MYH3: variants seen among roughly 807,000 people sequenced by gnomAD.
MYH3 encodes the protein myosin heavy chain 3, also known as myosin-3.
MYH3 carries 130 observed loss-of-function variants against 238.0 expected under a neutral mutation model. The observed-to-expected ratio is 0.55, with a 90% confidence interval of 0.47 to 0.63. The LOEUF is 0.63. MYH3 is among the 30% of genes least tolerant of loss of function. The pLI, the probability that MYH3 is intolerant of heterozygous loss-of-function variation, is 0.00. For missense variants in MYH3, 1,853 were observed against 2,374.9 expected, an observed-to-expected ratio of 0.78 and a Z score of 4.57; for synonymous variants, 880 against 924.1, an observed-to-expected ratio of 0.95 and a Z score of 0.86.
intron 14 of MYH3, 121 bp downstream of exon 14, chr17:10,644,229 CT>C: frequency 9.7e-7 from 1 of 1,031,232 alleles, no homozygotes; most frequent in Non-Finnish European, 1.5e-6. Flanking sequence ...TCCATCCACT[CT>C]CCATCTAGTT....
chr17:10,633,748 C>T (rs377123796), intron 32 of MYH3, 33 bp from the exon 33 acceptor site: 221 of 1,612,824 alleles, frequency 1.4e-4, no homozygotes, highest in Middle Eastern at 3.3e-4. Context: ...TGCATATGAG[C>T]GCCTCTGCGT....
At chr17:10,658,392 G>A (rs948901566), upstream of MYH3, 1 of 152,336 alleles carries the variant, frequency 6.6e-6, no homozygotes, top group Admixed American at 6.5e-5. Context: ...CCCCGAAGTG[G>A]AGGCCACTCC....
chr17:10,646,792 A>C (rs1434045789), intron 10 of MYH3, among the ~76,000 whole-genome samples: 4 of 152,152 alleles, frequency 2.6e-5, no homozygotes, highest in African/African-American at 9.7e-5. Context: ...TCACACCTAT[A>C]ATCCCAGCAC....
intron 36 of MYH3, among the ~76,000 whole-genome samples, chr17:10,630,746 G>A (rs1260954087): frequency 6.6e-6 from 1 of 152,154 alleles, no homozygotes; most frequent in African/African-American, 2.4e-5. Flanking sequence ...AGCTACTCCG[G>A]AGGCTGAGGC....
intron 26 of MYH3, 83 bp downstream of exon 26, chr17:10,638,790 T>C: frequency 7.1e-7 from 1 of 1,415,114 alleles, no homozygotes; most frequent in Non-Finnish European, 9.9e-7. Context: ...CTTGCCCACT[T>C]TCTCTAAATG....
chr17:10,663,149 A>C, the MYH3 span, among the ~76,000 whole-genome samples: 1 of 152,172 alleles, frequency 6.6e-6, no homozygotes, highest in Admixed American at 6.5e-5. Flanking sequence ...ATCTTATTGG[A>C]CATTTTACGT....
chr17:10,656,537 CAAAAAAAAA>C (rs71139057), intron 1 of MYH3, among the ~76,000 whole-genome samples: 2 of 55,898 alleles, frequency 3.6e-5, no homozygotes, highest in African/African-American at 9.9e-5. Flanking sequence ...AATTCTGTCT[CAAAAAAAAA>C]AAAAAAAAAA....
the MYH3 span, chr17:10,674,803 C>T: frequency 3.3e-5 from 5 of 152,330 alleles, no homozygotes; most frequent in African/African-American, 4.8e-5. Context: ...CTTACCTTTG[C>T]ATCATCCTTG....
chr17:10,658,002 G>A (rs1013565108), upstream of MYH3, among the ~76,000 whole-genome samples: 9 of 152,038 alleles, frequency 5.9e-5, no homozygotes, highest in East Asian at 1.9e-4. Flanking sequence ...AGTTAGTGAC[G>A]TGGATCTATG....
intron 10 of MYH3, among the ~76,000 whole-genome samples, chr17:10,646,348 G>C (rs964933416): frequency 6.6e-6 from 1 of 152,140 alleles, no homozygotes; most frequent in Non-Finnish European, 1.5e-5. Context: ...CTGAGTGCGG[G>C]TCAGGACGAG....
At chr17:10,653,409 G>A (rs980976899) in intron 3 of MYH3, among the ~76,000 whole-genome samples, 1 of 152,040 alleles carries the variant, frequency 6.6e-6, no homozygotes, top group African/African-American at 2.4e-5. Flanking sequence ...TCCAGCCCCC[G>A]GCCCACCTCT....
At position 10,639,185 on chromosome 17, in the gene MYH3, T is replaced by C; in HGVS notation, c.3107A>G (p.Glu1036Gly). The change falls in exon 25 of 41, where the codon GAA (glutamate) becomes GGA (glycine). Residue 1036 changes from glutamate (E) to glycine (G), a missense_variant. Glu to Gly is a moderately conservative substitution (Grantham distance 98). Coordinates refer to ENST00000583535, the MANE Select transcript of MYH3 (RefSeq NM_002470.4). ...SKLEQQVEDL[E>G]SSLEQEKKLR... ...CTTCTTTTCTTGTTCTAGGGAGCTT[T>C]CCAGCTGAAAAAGGCACCATTTCCT... 6.2e-7 allele frequency: 1 copy of C among 1,614,144 alleles called. No individual in the cohort carries two copies. The highest frequency in any genetic ancestry group is 8.5e-7 in the Non-Finnish European group (1 of 1,179,984).
Position 10,635,582 on chromosome 17 carries a change from G to A in MYH3, c.3976-19C>T. On this transcript the variant is annotated intron_variant, in intron 29 of 40. Transcript: ENST00000583535. ...TCTTGGCCTGCAGAAGTTAAAAAGA[G>A]AAGAGCACCTGATATATTTAGTGCC... The A allele has an allele frequency of 6.2e-7, 1 of 1,614,268 alleles. No individual in the cohort carries two copies. The highest frequency in any genetic ancestry group is 8.5e-7 in the Non-Finnish European group (1 of 1,180,052).
chr17:10,638,771 C>A, intron 26 of MYH3, 102 bp downstream of exon 26: 8 of 1,189,972 alleles, frequency 6.7e-6, no homozygotes, highest in Non-Finnish European at 8.6e-6. Flanking sequence ...AGGCAGGTGG[C>A]CCCACAGTCT....
At chr17:10,670,161 C>T in the MYH3 span, among the ~76,000 whole-genome samples, 1 of 152,146 alleles carries the variant, frequency 6.6e-6, no homozygotes, top group Non-Finnish European at 1.5e-5. This position sits in a 1 kb window ranked among gnomAD's most constrained non-coding sequence, Gnocchi z 7.0. Context: ...TCCGAAATGC[C>T]TCTCTCCAAC....
At chr17:10,644,561 T>C in intron 13 of MYH3, 23 bp downstream of exon 13, 2 of 1,613,334 alleles carry the variant, frequency 1.2e-6, no homozygotes, top group Non-Finnish European at 1.7e-6. Flanking sequence ...TCCTGCACCC[T>C]TTCCCGGCCT....
Position 10,641,102 on chromosome 17 carries a change from A to G in MYH3, c.2148T>C (p.Tyr716=), listed in dbSNP as rs147213801. ...CRKGFPNRIL[Y]GDFKQRYRVL... is the part of the protein sequence containing the mutation. ...TTACACACCTTTGTTTAAAATCGCCATAGAGAATCCTGTTTGGGAACCCTT... is the reference window on the plus strand; with the variant it reads ...TTACACACCTTTGTTTAAAATCGCCGTAGAGAATCCTGTTTGGGAACCCTT... The change falls in exon 19 of 41, where the codon TAT becomes TAC. Residue 716 remains tyrosine, a synonymous_variant. Coordinates refer to ENST00000583535, the MANE Select transcript of MYH3 (RefSeq NM_002470.4). 1.7e-5 allele frequency: 27 copies of G among 1,609,442 alleles called. No homozygotes were observed. In the African/African-American group the frequency reaches 2.8e-4, roughly 17 times the overall value.
At position 10,639,363 on chromosome 17, in the gene MYH3, C is replaced by T. The variant is rs767212119; in HGVS notation, c.3037G>A (p.Ala1013Thr). The T allele has an allele frequency of 6.2e-7, 1 of 1,614,168 alleles. No individual in the cohort carries two copies. The highest frequency in any genetic ancestry group is 1.1e-5 in the South Asian group (1 of 91,074). The change falls in exon 24 of 41, where the codon GCT becomes ACT. Residue 1013 changes from alanine to threonine, a missense_variant. By Grantham distance (58) the Ala-to-Thr change is moderately conservative (BLOSUM62 0). Coordinates refer to ENST00000583535, the MANE Select transcript of MYH3 (RefSeq NM_002470.4). Reference sequence around the variant, plus strand: ...AAAGAATTGACTTTGTCTTCTTCAGCTTGGAGGTCATCCAAGGCCTGCTGG... The same window carrying T: ...AAAGAATTGACTTTGTCTTCTTCAGTTTGGAGGTCATCCAAGGCCTGCTGG... ...AHQQALDDLQ[A>T]EEDKVNSLNK...
Position 10,631,900 on chromosome 17 carries a change from A to G in MYH3, c.5073T>C (p.Ala1691=), listed in dbSNP as rs749111236. 2.5e-6 allele frequency: 4 copies of G among 1,614,172 alleles called. No individual in the cohort carries two copies. The highest frequency in any genetic ancestry group is 2.2e-5 in the East Asian group (1 of 44,864). The change falls in exon 35 of 41, where the codon GCT becomes GCC. Residue 1691 remains alanine (A), a synonymous_variant. Transcript: ENST00000583535. Reference sequence around the variant, plus strand: ...GGGCCCTCTCCGTCTGCTCCAGAGTAGCCCGCAGCTCCTCCACCTCGGCCT... The same window carrying G: ...GGGCCCTCTCCGTCTGCTCCAGAGTGGCCCGCAGCTCCTCCACCTCGGCCT... ...LLQAEVEELR[A]TLEQTERARK...
Sources: allele counts gnomAD v4.1 joint callset (sites outside exome capture counted in the v4.1 genomes callset), GRCh38; gene constraint gnomAD v4.1.1; non-coding constraint Gnocchi (gnomAD v3.1); transcripts MANE v1.5; gene names NCBI Gene and HGNC (gene_info 2026-07-23, HGNC 2026-07-21).